Variants in PCLO observed in about 807,000 individuals in gnomAD.
PCLO encodes piccolo presynaptic cytomatrix protein.
Under a neutral mutation model 427.5 loss-of-function variants are expected in PCLO, and 82 were observed. The observed-to-expected ratio is 0.19, with a 90% CI of 0.16 to 0.23. The LOEUF (loss-of-function observed/expected upper bound fraction) is 0.23. Ranked by LOEUF, PCLO falls within the 10% of genes least tolerant of loss-of-function variation. PCLO has a pLI of 1.00. For synonymous variants in PCLO, 2,357 were observed against 2,155.4 expected (o/e 1.09, Z -2.59); for missense variants, 6,239 against 6,115.9 (o/e 1.02, Z -0.67).
intron 20 of PCLO, among the ~76,000 whole-genome samples, chr7:82,818,499 C>T (rs1226599709): frequency 6.6e-6 from 1 of 152,092 alleles, no homozygotes; most frequent in Non-Finnish European, 1.5e-5. Flanking sequence ...ACCATGTAGG[C>T]AGAGAGTATA....
chr7:83,141,410 T>C (rs986163959), intron 2 of PCLO, among the ~76,000 whole-genome samples: 1 of 152,216 alleles, frequency 6.6e-6, no homozygotes, highest in Non-Finnish European at 1.5e-5. Context: ...TAAATGAAAT[T>C]CAAGGTGTGA....
intron 3 of PCLO, among the ~76,000 whole-genome samples, chr7:83,013,251 A>C (rs1242484171): frequency 1.3e-5 from 2 of 152,196 alleles, no homozygotes; most frequent in Non-Finnish European, 2.9e-5. Flanking sequence ...TTAATAATAT[A>C]AGTTTTACAT....
At chr7:82,765,835 C>A (rs145175123) in intron 22 of PCLO, among the ~76,000 whole-genome samples, 19 of 151,646 alleles carry the variant, frequency 1.3e-4, no homozygotes, top group African/African-American at 4.6e-4. Flanking sequence ...AAAATAAAAA[C>A]GAGAAAATGA....
At chr7:82,774,759 G>A (rs963347226) in intron 22 of PCLO, among the ~76,000 whole-genome samples, 7 of 151,986 alleles carry the variant, frequency 4.6e-5, no homozygotes, top group African/African-American at 7.3e-5. Context: ...CATCAGTATC[G>A]CCCAAAGTCC....
chr7:83,140,859 T>C (rs1489208079), intron 2 of PCLO, among the ~76,000 whole-genome samples: 1 of 152,188 alleles, frequency 6.6e-6, no homozygotes, highest in Non-Finnish European at 1.5e-5. Flanking sequence ...CAACACTGAG[T>C]AGAGACATAC....
chr7:83,088,041 T>C (rs987588908), intron 3 of PCLO, among the ~76,000 whole-genome samples: 1 of 152,224 alleles, frequency 6.6e-6, no homozygotes, highest in African/African-American at 2.4e-5. Flanking sequence ...AAACAAAATA[T>C]AATTTTACAA....
chr7:83,078,316 G>A (rs1790007175), intron 3 of PCLO, among the ~76,000 whole-genome samples: 1 of 152,076 alleles, frequency 6.6e-6, no homozygotes, highest in East Asian at 1.9e-4. Context: ...TAGTCTGGTA[G>A]CTCTGCACCA....
chr7:83,026,651 C>T (rs1455950965), intron 3 of PCLO, among the ~76,000 whole-genome samples: 1 of 152,062 alleles, frequency 6.6e-6, no homozygotes, highest in Non-Finnish European at 1.5e-5. Flanking sequence ...ACAGAATATA[C>T]ACTTTTTTCA....
At position 83,017,802 on chromosome 7, in the gene PCLO, T is replaced by TCTGATATAATA. The variant is rs1476897119; in HGVS notation, c.3301-51326_3301-51316dup. 2.2e-4 allele frequency: 33 copies of TCTGATATAATA among 152,092 alleles called. 1 individual carries two copies. In the South Asian group the frequency reaches 6.6e-3, roughly 31 times the overall value. The allele number at this position is 152,092 out of a possible 1,614,324, so 9.4% of individuals were successfully genotyped here. A position where few individuals can be genotyped will look rare whatever the true frequency, so the allele number is the denominator to read the frequency against. Reference sequence around the variant, plus strand: ...ACACATTATACAACATATAAAGACTTCTGATATAATATTAACTATACAATT... The same window carrying TCTGATATAATA: ...ACACATTATACAACATATAAAGACTTCTGATATAATACTGATATAATATTAACTATACAATT... On this transcript the variant is annotated intron_variant, in intron 3 of 24. Transcript: ENST00000333891.
intron 22 of PCLO, among the ~76,000 whole-genome samples, chr7:82,788,240 T>A (rs914107276): frequency 6.8e-5 from 10 of 147,688 alleles, no homozygotes; most frequent in African/African-American, 2.0e-4. Context: ...ATATATAATT[T>A]ATATATAATT....
At chr7:83,120,831 T>A (rs1584049942) in intron 3 of PCLO, among the ~76,000 whole-genome samples, 1 of 152,022 alleles carries the variant, frequency 6.6e-6, no homozygotes, top group African/African-American at 2.4e-5. Flanking sequence ...TTATAAGAAA[T>A]CCTAAAAGGA....
intron 3 of PCLO, among the ~76,000 whole-genome samples, chr7:83,039,564 T>C (rs1788919851): frequency 6.6e-6 from 1 of 152,154 alleles, no homozygotes; most frequent in Non-Finnish European, 1.5e-5. Context: ...GATCTATGTC[T>C]ATCCTATGTA....
At chr7:82,839,768 G>C (rs2115769384) in intron 14 of PCLO, among the ~76,000 whole-genome samples, 1 of 152,150 alleles carries the variant, frequency 6.6e-6, no homozygotes, top group African/African-American at 2.4e-5. Flanking sequence ...GGAACATCTA[G>C]AGTTACTCAG....
Position 82,950,615 on chromosome 7 carries a change from T to C in PCLO, c.9973A>G (p.Thr3325Ala), listed in dbSNP as rs1344979853. The change falls in exon 6 of 25, where the codon ACT (threonine) becomes GCT (alanine). Residue 3325 changes from threonine (T) to alanine (A), a missense_variant. Coordinates refer to ENST00000333891, the MANE Select transcript of PCLO (RefSeq NM_033026.6). ...IYQYNYDPSG[T>A]ASPQTTTEQA... is the part of the protein sequence containing the mutation. ...TCTGTAGTGGTTTGTGGAGAAGCAG[T>C]TCCAGAAGGGTCATAGTTATACTGG... The C allele has an allele frequency of 6.2e-7, 1 of 1,613,902 alleles. No homozygotes were observed. Among genetic ancestry groups the C allele is most frequent in the Non-Finnish European group, 8.5e-7 (1 of 1,179,834 alleles).
intron 22 of PCLO, among the ~76,000 whole-genome samples, chr7:82,765,029 A>G (rs1790505486): frequency 6.6e-6 from 1 of 151,936 alleles, no homozygotes; most frequent in South Asian, 2.1e-4. Flanking sequence ...TTGAGTTACA[A>G]AGAAGACATT....
At chr7:82,980,987 T>C (rs1401971459) in intron 3 of PCLO, among the ~76,000 whole-genome samples, 2 of 152,148 alleles carry the variant, frequency 1.3e-5, no homozygotes, top group Admixed American at 6.6e-5. Context: ...TTCTGCTCAA[T>C]AGCCAAAGCT....
At chr7:82,938,578 T>G (rs573527307) in intron 6 of PCLO, among the ~76,000 whole-genome samples, 2 of 152,072 alleles carry the variant, frequency 1.3e-5, no homozygotes, top group East Asian at 3.9e-4. Context: ...AAAAAAGGCC[T>G]GATGACCAGT....
At chr7:83,006,412 AT>A (rs1238320226) in intron 3 of PCLO, among the ~76,000 whole-genome samples, 3 of 151,572 alleles carry the variant, frequency 2.0e-5, no homozygotes, top group Non-Finnish European at 4.4e-5. Flanking sequence ...TTGAACAATA[AT>A]TTATTTTTAT....
At chr7:82,788,775 C>A (rs896482591) in intron 22 of PCLO, among the ~76,000 whole-genome samples, 1 of 151,752 alleles carries the variant, frequency 6.6e-6, no homozygotes, top group African/African-American at 2.4e-5. Context: ...CGAATTGAAT[C>A]AATTCTTTAA....
Sources: allele counts gnomAD v4.1 joint callset (sites outside exome capture counted in the v4.1 genomes callset), GRCh38; gene constraint gnomAD v4.1.1; transcripts MANE v1.5; gene names NCBI Gene and HGNC (gene_info 2026-07-23, HGNC 2026-07-21).